ZNF827: variants seen among roughly 807,000 people sequenced by gnomAD.
The protein encoded by ZNF827 is zinc finger protein 827.
ZNF827 carries 13 observed loss-of-function variants against 102.4 expected under a neutral mutation model. The ratio of observed to expected loss-of-function variants is 0.13; its 90% CI spans 0.08 to 0.20. The LOEUF is 0.20. Ranked by LOEUF, ZNF827 falls within the 10% of genes least tolerant of loss-of-function variation. The pLI, the probability that ZNF827 is intolerant of heterozygous loss-of-function variation, is 1.00. For missense variants in ZNF827, 1,103 were observed against 1,344.4 expected, an observed-to-expected ratio of 0.82 and a Z score of 2.81; for synonymous variants, 523 against 536.2, an observed-to-expected ratio of 0.98 and a Z score of 0.34.
intron 8 of ZNF827, among the ~76,000 whole-genome samples, chr4:145,797,906 A>G (rs530713213): frequency 3.3e-5 from 5 of 152,336 alleles, no homozygotes; most frequent in Admixed American, 2.6e-4. Flanking sequence ...AATAATGTTC[A>G]TTTCCATATG....
intron 6 of ZNF827, among the ~76,000 whole-genome samples, chr4:145,848,999 G>T (rs957508781): frequency 6.6e-6 from 1 of 152,080 alleles, no homozygotes; most frequent in Non-Finnish European, 1.5e-5. Flanking sequence ...TTAAAAAAAA[G>T]CCTGTTAATC....
At chr4:145,872,798 C>T (rs1466039578) in intron 4 of ZNF827, among the ~76,000 whole-genome samples, 2 of 151,434 alleles carry the variant, frequency 1.3e-5, no homozygotes, top group Non-Finnish European at 2.9e-5. Flanking sequence ...TCGCTTGAAC[C>T]CAGGAGGCAG....
chr4:145,853,029 T>G (rs1746690722), intron 5 of ZNF827, among the ~76,000 whole-genome samples: 1 of 152,242 alleles, frequency 6.6e-6, no homozygotes, highest in African/African-American at 2.4e-5. Context: ...AAACCACGGC[T>G]CTAAAGTTTT....
chr4:145,761,056 G>T lies in ZNF827; in HGVS notation c.*560C>A. 1.6e-6 allele frequency: 2 copies of T among 1,289,192 alleles called. No homozygotes were observed. Among genetic ancestry groups the T allele is most frequent in the Non-Finnish European group, 2.0e-6 (2 of 988,434 alleles). 79.9% of individuals were successfully genotyped at this position (1,289,192 alleles called of 1,614,324 possible). On this transcript the variant is annotated 3_prime_UTR_variant, in exon 15 of 15. Transcript: ENST00000508784. This position sits in a 1 kb window ranked among gnomAD's most constrained non-coding sequence, Gnocchi z 6.8. ...TGCCGACAGGGCCACGGTCTGCAGA[G>T]CCTGGGAGGCAGACATAACTGACAG...
chr4:145,844,738 C>A (rs1384899054), intron 7 of ZNF827, among the ~76,000 whole-genome samples: 2 of 151,068 alleles, frequency 1.3e-5, no homozygotes, highest in Admixed American at 6.6e-5. Context: ...ATAAAATAAA[C>A]CCAGTGTGAG....
chr4:145,815,519 G>C (rs1742517221), intron 8 of ZNF827, among the ~76,000 whole-genome samples: 1 of 152,128 alleles, frequency 6.6e-6, no homozygotes, highest in Non-Finnish European at 1.5e-5. Context: ...AGAGAATACA[G>C]AATAGATTTG....
At chr4:145,896,947 G>GA (rs200250237) in intron 2 of ZNF827, among the ~76,000 whole-genome samples, 2,181 of 151,542 alleles carry the variant, frequency 0.014, 21 homozygotes, top group Non-Finnish European at 0.022. Context: ...TCAAAAATTG[G>GA]AAAAAAAAGA....
intron 9 of ZNF827, among the ~76,000 whole-genome samples, 178 bp from the exon 10 acceptor site, chr4:145,776,138 C>T (rs531996174): frequency 6.6e-6 from 1 of 152,248 alleles, no homozygotes; most frequent in East Asian, 1.9e-4. Flanking sequence ...GCAGGTCACT[C>T]CTGTATTAGT....
intron 5 of ZNF827, among the ~76,000 whole-genome samples, chr4:145,869,295 T>A (rs901169380): frequency 2.0e-5 from 3 of 152,196 alleles, no homozygotes; most frequent in African/African-American, 7.2e-5. Context: ...AACCCACTAG[T>A]CAACCAGAAA....
At position 145,765,219 on chromosome 4, in the gene ZNF827, G is replaced by T. The variant is rs1488889467; in HGVS notation, c.3053-54C>A. ...TGCACAGGGCAGCGGGGAGAGGAGG[G>T]CAGGAGTGGAGCCAAGCTCCTCCCC... On this transcript the variant is annotated intron_variant, in intron 12 of 14. Coordinates refer to ENST00000508784, the MANE Select transcript of ZNF827 (RefSeq NM_001306215.2). The surrounding 1 kb of genome is among the most constrained non-coding windows in gnomAD (Gnocchi z 4.7). 2 of 1,515,814 alleles carry T rather than the reference G, an allele frequency of 1.3e-6. No homozygotes were observed. Among genetic ancestry groups the T allele is most frequent in the Non-Finnish European group, 1.8e-6 (2 of 1,127,440 alleles). The allele number at this position is 1,515,814 out of a possible 1,614,324, so 93.9% of individuals were successfully genotyped here.
At chr4:145,869,753 TTCTC>T (rs1454820930) in intron 5 of ZNF827, among the ~76,000 whole-genome samples, 3 of 152,228 alleles carry the variant, frequency 2.0e-5, no homozygotes, top group Non-Finnish European at 2.9e-5. Context: ...CATTATAAAA[TTCTC>T]TATCCATAAA....
chr4:145,886,270 T>C, intron 3 of ZNF827, 112 bp from the exon 4 acceptor site: 1 of 1,440,370 alleles, frequency 6.9e-7, no homozygotes, highest in Non-Finnish European at 9.1e-7. Context: ...GGGCTGGCCT[T>C]TGTACTGCAG....
intron 1 of ZNF827, among the ~76,000 whole-genome samples, chr4:145,930,632 T>C (rs1467093221): frequency 6.6e-6 from 1 of 152,146 alleles, no homozygotes; most frequent in Non-Finnish European, 1.5e-5. Flanking sequence ...AGAACTTCAG[T>C]AGTAAAAGCT....
At chr4:145,821,431 T>C (rs1743136139) in intron 8 of ZNF827, among the ~76,000 whole-genome samples, 1 of 152,210 alleles carries the variant, frequency 6.6e-6, no homozygotes, top group Non-Finnish European at 1.5e-5. Flanking sequence ...GTCCAAATTA[T>C]TGAGGCCTTC....
chr4:145,881,701 A>T (rs1343596669), intron 4 of ZNF827, among the ~76,000 whole-genome samples: 1 of 152,126 alleles, frequency 6.6e-6, no homozygotes, highest in Admixed American at 6.5e-5. Context: ...CCCACAAGGA[A>T]ACACCTGGGG....
At chr4:145,819,351 AAC>A (rs1361951595) in intron 8 of ZNF827, among the ~76,000 whole-genome samples, 3 of 152,200 alleles carry the variant, frequency 2.0e-5, no homozygotes, top group Non-Finnish European at 4.4e-5. Context: ...AAATCATAAT[AAC>A]ACAGAATGGA....
In ZNF827 at chr4:145,859,156, C is replaced by T. The variant is rs80262571; in HGVS notation, c.1982-9595G>A. Among the ~76,000 whole-genome samples the T allele has an allele frequency of 2.5e-3, 386 of 152,178 alleles. 2 individuals carry two copies. Among genetic ancestry groups the T allele is most frequent in the African/African-American group, 7.3e-3 (302 of 41,500 alleles). ...TCAGATAATAACAGAGACCAGAACC[C>T]AGGCAATACCAGGAGTAAGATATGG... On this transcript the variant is annotated intron_variant, in intron 5 of 14. Transcript: ENST00000508784.
intron 1 of ZNF827, among the ~76,000 whole-genome samples, chr4:145,937,371 C>G (rs1341957413): frequency 1.3e-5 from 2 of 151,920 alleles, no homozygotes. Context: ...TCTGAGAGCC[C>G]GAGTCTCGCC....
At chr4:145,836,453 T>C (rs1232475344) in intron 7 of ZNF827, among the ~76,000 whole-genome samples, 1 of 152,190 alleles carries the variant, frequency 6.6e-6, no homozygotes, top group Non-Finnish European at 1.5e-5. Context: ...TATGCTCAAC[T>C]CACTCTCTAC....
Sources: allele counts gnomAD v4.1 joint callset (sites outside exome capture counted in the v4.1 genomes callset), GRCh38; gene constraint gnomAD v4.1.1; non-coding constraint Gnocchi (gnomAD v3.1); transcripts MANE v1.5; gene names NCBI Gene and HGNC (gene_info 2026-07-23, HGNC 2026-07-21).